The following FAM76B variants were observed in gnomAD, a reference collection of about 807,000 sequenced individuals.
The protein encoded by FAM76B is protein FAM76B.
A neutral mutation model predicts 51.8 loss-of-function variants in FAM76B; 16 were observed. That is an observed-to-expected ratio of 0.31 (90% CI 0.21 to 0.47). The LOEUF (loss-of-function observed/expected upper bound fraction) is 0.47. Among genes scored for constraint, FAM76B ranks in the 20% least tolerant of loss-of-function variants. The pLI, the probability that FAM76B is intolerant of heterozygous loss-of-function variation, is 1.00. For synonymous variants in FAM76B, 166 were observed against 129.5 expected (o/e 1.28, Z -1.91); for missense variants, 342 against 392.6 (o/e 0.87, Z 1.09).
rs949450867 is a variant in FAM76B, at chr11:95,769,507, T to C, written c.*2054A>G. ...CCTTCCATTTTAATGTTAGCTAATA[T>C]TAATATTCAACTTTTTAATTTTGAT... On this transcript the variant is annotated 3_prime_UTR_variant, in exon 10 of 10. Transcript: ENST00000358780. 6.6e-6 allele frequency: 1 copy of C among 152,200 alleles called. No individual in the cohort carries two copies. The highest frequency in any genetic ancestry group is 2.1e-4 in the South Asian group (1 of 4,832). The allele number at this position is 152,200 out of a possible 1,614,324, so 9.4% of individuals were successfully genotyped here.
rs1860575074 is a variant in FAM76B at position 95,786,196 on chromosome 11, T to G, written c.286A>C (p.Lys96Gln). The G allele has an allele frequency of 1.9e-6, 3 of 1,614,144 alleles. No homozygotes were observed. The highest frequency in any genetic ancestry group is 2.5e-6 in the Non-Finnish European group (3 of 1,180,012). ...KCQRCTNSEK[K>Q]YGPPQTCEQC... ...TCACAGGTCTGAGGTGGTCCATACT[T>G]TTTTTCTGAATTTGTGCAACGCTGA... Residue 96 changes from lysine (K) to glutamine (Q), a missense_variant, in exon 4 of 10, where the codon AAG becomes CAG. Around this residue, in one of 3 missense-constraint regions of FAM76B, gnomAD observed 16 missense variants for 40.5 expected, o/e 0.40. Transcript: ENST00000358780.
Position 95,771,521 on chromosome 11 carries a change from A to C in FAM76B, c.*40T>G, listed in dbSNP as rs779212467. 275 of 1,554,500 alleles carry C rather than the reference A, an allele frequency of 1.8e-4. 1 individual carries two copies. The highest frequency in any genetic ancestry group is 2.3e-4 in the Non-Finnish European group (263 of 1,136,144). Reference sequence around the variant, plus strand: ...GGCTTCACAGAATTTTTTTTCCCCAAATTTACATTGTAAGAAGAAATGCTA... The same window carrying C: ...GGCTTCACAGAATTTTTTTTCCCCACATTTACATTGTAAGAAGAAATGCTA... On this transcript the variant is annotated 3_prime_UTR_variant, in exon 10 of 10. Transcript: ENST00000358780.
At position 95,789,734 on chromosome 11, in the gene FAM76B, G is replaced by C. The variant is rs1038730963; in HGVS notation, c.-256C>G. On this transcript the variant is annotated 5_prime_UTR_variant, in exon 1 of 10. Transcript: ENST00000358780. ...GCTTAGGCCCCGATAGCGGCGGAGG[G>C]AGACGAAGCGGGTAGGGGGTTGCTG... 4.2e-6 allele frequency: 2 copies of C among 473,300 alleles called. No individual in the cohort carries two copies. Among genetic ancestry groups the C allele is most frequent in the African/African-American group, 2.1e-5 (1 of 48,174 alleles). 29.3% of individuals were successfully genotyped at this position (473,300 alleles called of 1,614,324 possible).
chr11:95,772,943 A>G (rs1054040184), intron 9 of FAM76B, among the ~76,000 whole-genome samples: 8 of 151,090 alleles, frequency 5.3e-5, no homozygotes, highest in African/African-American at 1.7e-4. Flanking sequence ...GAACTTTCCT[A>G]TTCAGTGGTT....
At chr11:95,789,138 C>T (rs1332340070) in intron 1 of FAM76B, 79 of 1,283,904 alleles carry the variant, frequency 6.2e-5, no homozygotes, top group Non-Finnish European at 8.0e-5. Flanking sequence ...CTCCTGAGAC[C>T]CCCAGACGCT....
intron 5 of FAM76B, 115 bp downstream of exon 5, chr11:95,782,950 T>C: frequency 1.5e-6 from 2 of 1,318,086 alleles, no homozygotes; most frequent in East Asian, 2.3e-5. Context: ...AGATGCTTAC[T>C]GTGTACAATG....
chr11:95,784,962 A>C (rs1283724174), intron 4 of FAM76B, among the ~76,000 whole-genome samples: 4 of 152,152 alleles, frequency 2.6e-5, no homozygotes. Flanking sequence ...TGATCAACTG[A>C]CCAACATGTT....
rs112575974 is a variant in FAM76B, at chr11:95,788,507, T to C, written c.144A>G (p.Gln48=). ...VKCTYCRSEF[Q]QESKTNTICK... is the part of the protein sequence containing the mutation. ...CTATTCAGTATACAAACCTCTCTTG[T>C]TGAAATTCTGATCTGCAGTAAGTAC... The change falls in exon 2 of 10, where the codon CAA becomes CAG. Residue 48 remains glutamine, a synonymous_variant. Coordinates refer to ENST00000358780, the MANE Select transcript of FAM76B (RefSeq NM_144664.5). The C allele has an allele frequency of 5.5e-4, 879 of 1,612,444 alleles. 8 individuals are homozygous for C. The African/African-American group carries it at 9.5e-3, about 18-fold the overall frequency.
In FAM76B at chr11:95,789,598, G is replaced by GC. The variant is rs1860883102; in HGVS notation, c.-121dup. 1.3e-6 allele frequency: 1 copy of GC among 780,104 alleles called. No homozygotes were observed. Among genetic ancestry groups the GC allele is most frequent in the South Asian group, 2.0e-5 (1 of 50,952 alleles). 48.3% of individuals were successfully genotyped at this position (780,104 alleles called of 1,614,324 possible). ...CCTCCTCCCCCTCCCCCTGCCTCGC[G>GC]CCCACCAGGGCCTCGCCGCGAGAGC... On this transcript the variant is annotated 5_prime_UTR_variant, in exon 1 of 10. Transcript: ENST00000358780.
Position 95,778,714 on chromosome 11 carries a change from G to A in FAM76B, c.828+108C>T, listed in dbSNP as rs567759716. 2.7e-5 allele frequency: 35 copies of A among 1,315,212 alleles called. No individual in the cohort carries two copies. The South Asian group carries it at 2.8e-4, about 10-fold the overall frequency. The allele number at this position is 1,315,212 out of a possible 1,614,324, so 81.5% of individuals were successfully genotyped here. A position where few individuals can be genotyped will look rare whatever the true frequency, so the allele number is the denominator to read the frequency against. ...TTGTAATTTGTCTTATAAAAATCACGCACAACAAACATTACCAAATTATTA... is the reference window on the plus strand; with the variant it reads ...TTGTAATTTGTCTTATAAAAATCACACACAACAAACATTACCAAATTATTA... On this transcript the variant is annotated intron_variant, in intron 8 of 9. Transcript: ENST00000358780.
chr11:95,786,346 T>C, intron 3 of FAM76B, 72 bp from the exon 4 acceptor site: 1 of 1,476,830 alleles, frequency 6.8e-7, no homozygotes, highest in Non-Finnish European at 9.0e-7. Flanking sequence ...CCCAGTGTTG[T>C]AGACATATTT....
chr11:95,789,550 C>T lies in FAM76B; in HGVS notation c.-72G>A, dbSNP rs1257800540. The T allele has an allele frequency of 4.2e-6, 6 of 1,414,824 alleles. No individual in the cohort carries two copies. The allele number at this position is 1,414,824 out of a possible 1,614,324, so 87.6% of individuals were successfully genotyped here. On this transcript the variant is annotated 5_prime_UTR_variant, in exon 1 of 10. Transcript: ENST00000358780. ...GCCCTACGGAGAACCCGAGAGCCGC[C>T]GCCGCCCGGGCCGCGGGCTCCTCCT...
chr11:95,785,225 C>T (rs537513858), intron 4 of FAM76B, among the ~76,000 whole-genome samples: 3 of 152,272 alleles, frequency 2.0e-5, no homozygotes, highest in African/African-American at 7.2e-5. Flanking sequence ...TTATCATAGG[C>T]ACGTATGTAC....
rs1258730985 is a variant in FAM76B at position 95,769,384 on chromosome 11, G to A, written c.*2177C>T. On this transcript the variant is annotated 3_prime_UTR_variant, in exon 10 of 10. Coordinates refer to ENST00000358780, the MANE Select transcript of FAM76B (RefSeq NM_144664.5). Reference sequence around the variant, plus strand: ...GGAATAAAGAAGGGTATTTAATTAGGACTAAATACTGTGAAGCCCATGAAA... The same window carrying A: ...GGAATAAAGAAGGGTATTTAATTAGAACTAAATACTGTGAAGCCCATGAAA... 6.6e-6 allele frequency: 1 copy of A among 152,152 alleles called. No homozygotes were observed. The highest frequency in any genetic ancestry group is 2.4e-5 in the African/African-American group (1 of 41,368). 9.4% of individuals were successfully genotyped at this position (152,152 alleles called of 1,614,324 possible). A position where few individuals can be genotyped will look rare whatever the true frequency, so the allele number is the denominator to read the frequency against.
In FAM76B at chr11:95,783,226, C is replaced by T. The variant is rs532416036; in HGVS notation, c.402G>A (p.Ser134=). 48 of 1,613,464 alleles carry T rather than the reference C, an allele frequency of 3.0e-5. No individual in the cohort carries two copies. Among genetic ancestry groups the T allele is most frequent in the South Asian group, 1.4e-4 (13 of 91,054 alleles). ...TCGTCTTCTGTAAAACTCTTTTGTA[C>T]GATAAAGTACAGAGCCAGCATAATA... The part of the protein sequence containing the change: ...GKLLCWLCTL[S]YKRVLQKTKE... The change falls in exon 5 of 10, where the codon TCG becomes TCA. Residue 134 remains serine (S), a synonymous_variant. Transcript: ENST00000358780.
rs1013244930 is a variant in FAM76B, at chr11:95,789,371, C to G, written c.87+21G>C. The G allele has an allele frequency of 6.3e-6, 10 of 1,577,552 alleles. 1 individual carries two copies. The highest frequency in any genetic ancestry group is 3.6e-5 in the Admixed American group (2 of 55,062). On this transcript the variant is annotated intron_variant, in intron 1 of 9. Coordinates refer to ENST00000358780, the MANE Select transcript of FAM76B (RefSeq NM_144664.5). ...TACGGCCGAGGACACCCATCCCGCC[C>G]GCCTCCCGGAGCCCACGGACCTTGC... is the stretch of plus-strand genomic sequence containing the variant.
At chr11:95,778,433 T>C (rs990191594) in intron 8 of FAM76B, among the ~76,000 whole-genome samples, 1 of 151,528 alleles carries the variant, frequency 6.6e-6, no homozygotes, top group Non-Finnish European at 1.5e-5. Context: ...TTGATACAAA[T>C]ATATGACTGG....
At position 95,771,523 on chromosome 11, in the gene FAM76B, T is replaced by C. The variant is rs200981048; in HGVS notation, c.*38A>G. On this transcript the variant is annotated 3_prime_UTR_variant, in exon 10 of 10. Transcript: ENST00000358780. ...CTTCACAGAATTTTTTTTCCCCAAA[T>C]TTACATTGTAAGAAGAAATGCTAAA... 109 of 1,559,040 alleles carry C rather than the reference T, an allele frequency of 7.0e-5. No individual in the cohort carries two copies. The East Asian group carries it at 2.3e-3, about 33-fold the overall frequency.
intron 1 of FAM76B, chr11:95,788,866 C>T (rs1406386261): frequency 1.4e-6 from 2 of 1,380,272 alleles, no homozygotes; most frequent in Non-Finnish European, 9.5e-7. Context: ...CACCGTTGCT[C>T]ACAGACAGCA....
Sources: allele counts gnomAD v4.1 joint callset (sites outside exome capture counted in the v4.1 genomes callset), GRCh38; gene constraint gnomAD v4.1.1; regional missense constraint gnomAD v4.1.1; transcripts MANE v1.5; gene names NCBI Gene and HGNC (gene_info 2026-07-23, HGNC 2026-07-21).